Variants in ZFPM2 observed in about 807,000 individuals in gnomAD.
ZFPM2 encodes zinc finger protein ZFPM2.
ZFPM2 carries 20 observed loss-of-function variants against 98.6 expected under a neutral mutation model. The observed-to-expected ratio is 0.20, with a 90% CI of 0.14 to 0.29. ZFPM2 has a LOEUF of 0.29. Among genes scored for constraint, ZFPM2 ranks in the 10% least tolerant of loss-of-function variants. The pLI is 1.00. For synonymous variants in ZFPM2, 518 were observed against 502.7 expected, an observed-to-expected ratio of 1.03 and a Z score of -0.41; for missense variants, 1,310 against 1,388.6, an observed-to-expected ratio of 0.94 and a Z score of 0.90.
intron 1 of ZFPM2, among the ~76,000 whole-genome samples, chr8:105,395,898 G>C (rs147473699): frequency 1.3e-3 from 193 of 152,260 alleles, no homozygotes; most frequent in African/African-American, 4.3e-3. Context: ...CCTAGTTGTA[G>C]GCACGAGCCA....
chr8:105,423,778 T>C (rs1198574150), intron 2 of ZFPM2, among the ~76,000 whole-genome samples: 3 of 152,328 alleles, frequency 2.0e-5, no homozygotes, highest in Non-Finnish European at 4.4e-5. Flanking sequence ...ATGTCACTAC[T>C]GGCAGGTGGG....
intron 3 of ZFPM2, among the ~76,000 whole-genome samples, chr8:105,550,868 A>C (rs1814835779): frequency 1.3e-5 from 2 of 152,178 alleles, no homozygotes; most frequent in African/African-American, 4.8e-5. Flanking sequence ...TGCACTGAAA[A>C]CACAGAGTGT....
intron 5 of ZFPM2, among the ~76,000 whole-genome samples, chr8:105,748,001 T>C (rs1411416887): frequency 6.6e-6 from 1 of 152,122 alleles, no homozygotes; most frequent in Non-Finnish European, 1.5e-5. Flanking sequence ...TGTATCTTTT[T>C]GTAGGAGAAC....
chr8:105,611,762 G>C (rs1482196075), intron 4 of ZFPM2, among the ~76,000 whole-genome samples: 1 of 150,482 alleles, frequency 6.6e-6, no homozygotes, highest in African/African-American at 2.4e-5. Context: ...GCAATGGTGC[G>C]ATCTTGGCTC....
chr8:105,507,372 A>G (rs778241949), intron 3 of ZFPM2, among the ~76,000 whole-genome samples: 17 of 152,308 alleles, frequency 1.1e-4, no homozygotes, highest in Non-Finnish European at 1.8e-4. Context: ...AGAAATTATT[A>G]TAGTTAGGCA....
chr8:105,533,320 A>G (rs35544716), intron 3 of ZFPM2, among the ~76,000 whole-genome samples: 3,045 of 152,252 alleles, frequency 0.02, 35 homozygotes, highest in South Asian at 0.034. Flanking sequence ...GTGACAGTTT[A>G]GATAGGAGTC....
chr8:105,436,274 CT>C (rs1812117268), intron 2 of ZFPM2, among the ~76,000 whole-genome samples: 1 of 152,106 alleles, frequency 6.6e-6, no homozygotes, highest in Non-Finnish European at 1.5e-5. Context: ...AATCCCAGCA[CT>C]TTGGGAGGCT....
At chr8:105,796,541 ACT>A (rs1200137291) in intron 6 of ZFPM2, among the ~76,000 whole-genome samples, 1 of 151,882 alleles carries the variant, frequency 6.6e-6, no homozygotes, top group African/African-American at 2.4e-5. Context: ...TTAATTTGAA[ACT>A]CTATTATTAT....
At chr8:105,447,376 A>G (rs1812396762) in intron 3 of ZFPM2, among the ~76,000 whole-genome samples, 1 of 151,884 alleles carries the variant, frequency 6.6e-6, no homozygotes, top group East Asian at 1.9e-4. Flanking sequence ...TAAAAAATAG[A>G]AAATAATATT....
intron 3 of ZFPM2, among the ~76,000 whole-genome samples, chr8:105,550,653 T>A (rs1814830027): frequency 6.6e-6 from 1 of 152,114 alleles, no homozygotes; most frequent in Non-Finnish European, 1.5e-5. Flanking sequence ...GAGTAAAAAA[T>A]CACATACTTT....
At chr8:105,388,386 AC>A (rs1811043557) in intron 1 of ZFPM2, among the ~76,000 whole-genome samples, 1 of 152,316 alleles carries the variant, frequency 6.6e-6, no homozygotes, top group East Asian at 1.9e-4. Flanking sequence ...GGGAGAACAC[AC>A]AACATGGGAG....
intron 3 of ZFPM2, among the ~76,000 whole-genome samples, chr8:105,523,669 T>G (rs1814110356): frequency 6.6e-6 from 1 of 152,200 alleles, no homozygotes; most frequent in Non-Finnish European, 1.5e-5. Flanking sequence ...CAGTGGTGGT[T>G]GTTACTATGT....
intron 5 of ZFPM2, among the ~76,000 whole-genome samples, chr8:105,735,944 C>G (rs529749258): frequency 1.3e-5 from 2 of 151,942 alleles, no homozygotes; most frequent in Admixed American, 6.6e-5. Context: ...AAAAATTTAA[C>G]GCGGCTATAA....
At chr8:105,602,386 A>C (rs1249783827) in intron 4 of ZFPM2, among the ~76,000 whole-genome samples, 2 of 152,068 alleles carry the variant, frequency 1.3e-5, no homozygotes, top group African/African-American at 4.8e-5. Flanking sequence ...TAAAATACTG[A>C]GTTTATCTCT....
intron 2 of ZFPM2, among the ~76,000 whole-genome samples, chr8:105,427,447 G>A (rs1811938221): frequency 6.6e-6 from 1 of 152,122 alleles, no homozygotes; most frequent in South Asian, 2.1e-4. Flanking sequence ...GATCTCAACT[G>A]TGCAGTCTGC....
At chr8:105,369,904 T>A (rs1004056089) in intron 1 of ZFPM2, among the ~76,000 whole-genome samples, 1 of 152,142 alleles carries the variant, frequency 6.6e-6, no homozygotes, top group East Asian at 1.9e-4. Context: ...AAATAATAAA[T>A]ATGAATATAG....
chr8:105,359,806 T>C (rs1203869806), intron 1 of ZFPM2, among the ~76,000 whole-genome samples: 1 of 152,260 alleles, frequency 6.6e-6, no homozygotes, highest in Non-Finnish European at 1.5e-5. Flanking sequence ...ACTGACATTT[T>C]GAATCCAATT....
chr8:105,649,968 CCT>C (rs769540510), intron 5 of ZFPM2, among the ~76,000 whole-genome samples: 9 of 152,138 alleles, frequency 5.9e-5, no homozygotes, highest in Non-Finnish European at 1.2e-4. Context: ...ACCAGCTCCT[CCT>C]TTTACCTCTG....
At chr8:105,335,753 A>G (rs187040221) in intron 1 of ZFPM2, among the ~76,000 whole-genome samples, 1 of 151,918 alleles carries the variant, frequency 6.6e-6, no homozygotes, top group African/African-American at 2.4e-5. Context: ...TCAAGTTAGA[A>G]CTACCTCTGC....
Sources: allele counts gnomAD v4.1 joint callset (sites outside exome capture counted in the v4.1 genomes callset), GRCh38; gene constraint gnomAD v4.1.1; transcripts MANE v1.5; gene names NCBI Gene and HGNC (gene_info 2026-07-23, HGNC 2026-07-21).